DMD: variants seen among roughly 807,000 people sequenced by gnomAD.
DMD encodes mutant dystrophin.
A neutral mutation model predicts 330.1 loss-of-function variants in DMD; 63 were observed. That is an observed-to-expected ratio of 0.19 (90% confidence interval 0.16 to 0.24). The LOEUF (loss-of-function observed/expected upper bound fraction) is 0.24, where lower values mean the gene tolerates loss of function less well. Among genes scored for constraint, DMD ranks in the 10% least tolerant of loss-of-function variants. The pLI, the probability that DMD is intolerant of heterozygous loss-of-function variation, is 1.00. For missense variants in DMD, 3,344 were observed against 2,684.1 expected (o/e 1.25, Z -5.43); for synonymous variants, 1,223 against 959.8 (o/e 1.27, Z -5.07).
chrX:31,789,215 G>A (rs924087993), intron 50 of DMD, among the ~76,000 whole-genome samples: 4 of 111,004 alleles, frequency 3.6e-5, no homozygotes, highest in African/African-American at 1.3e-4. Context: ...AGTATACTTT[G>A]ATTCCTTACT....
chrX:31,243,130 A>G (rs991482538), intron 63 of DMD, among the ~76,000 whole-genome samples: 3 of 111,949 alleles, frequency 2.7e-5, no homozygotes, highest in African/African-American at 9.7e-5. Flanking sequence ...AAAAAAATCA[A>G]TGCCTCACAG....
chrX:31,976,432 T>G (rs1234748175), intron 44 of DMD, among the ~76,000 whole-genome samples: 1 of 111,161 alleles, frequency 9.0e-6, no homozygotes, highest in Non-Finnish European at 1.9e-5. Context: ...CTGGGCAAAC[T>G]CAAAGCTAGC....
rs752609761 is a variant in DMD at position 31,477,197 on chromosome X, C to G, written c.8937+909G>C. Among the ~76,000 whole-genome samples the G allele has an allele frequency of 8.1e-5, 9 of 111,238 alleles. No individual in the cohort carries two copies. The South Asian group carries it at 3.5e-3, about 43-fold the overall frequency. ...CCATCTCAAACAGGGAGGGTTTAAACAATCAAAAGAGAATTAGGCTAAGGT... is the reference window on the plus strand; with the variant it reads ...CCATCTCAAACAGGGAGGGTTTAAAGAATCAAAAGAGAATTAGGCTAAGGT... On this transcript the variant is annotated intron_variant, in intron 59 of 78. Coordinates refer to ENST00000357033, the MANE Select transcript of DMD (RefSeq NM_004006.3).
At chrX:31,488,806 A>G (rs1208774331) in intron 57 of DMD, among the ~76,000 whole-genome samples, 1 of 111,893 alleles carries the variant, frequency 8.9e-6, no homozygotes, top group African/African-American at 3.2e-5. Flanking sequence ...CCATAGCAGC[A>G]AGAGTCAACT....
intron 62 of DMD, among the ~76,000 whole-genome samples, chrX:31,291,789 C>T (rs907894682): frequency 1.8e-5 from 2 of 110,802 alleles, no homozygotes; most frequent in Non-Finnish European, 3.8e-5. Context: ...CATACCAAAC[C>T]TTGACAAGAA....
intron 2 of DMD, among the ~76,000 whole-genome samples, chrX:32,857,304 CTT>C (rs2081657162): frequency 8.9e-6 from 1 of 111,973 alleles, no homozygotes; most frequent in Non-Finnish European, 1.9e-5. Flanking sequence ...TTTAATGAAA[CTT>C]TAAGGAAAGC....
chrX:32,013,093 C>CTATTTTTTTTTTTTTTTT (rs1557064304), intron 44 of DMD, among the ~76,000 whole-genome samples: 7 of 61,158 alleles, frequency 1.1e-4, no homozygotes, highest in African/African-American at 3.2e-4. Context: ...CTTTTCTTTC[C>CTATTTTTTTTTTTTTTTT]TTTTTTTTTT....
At chrX:32,656,913 T>C (rs1049994927) in intron 9 of DMD, among the ~76,000 whole-genome samples, 21 of 111,635 alleles carry the variant, frequency 1.9e-4, no homozygotes, top group Non-Finnish European at 3.6e-4. Context: ...AAAATATTCA[T>C]AGTTTCAAAT....
At chrX:32,290,847 A>T (rs1397279868) in intron 42 of DMD, among the ~76,000 whole-genome samples, 1 of 112,316 alleles carries the variant, frequency 8.9e-6, no homozygotes, top group Non-Finnish European at 1.9e-5. Flanking sequence ...CCTTAGCTGG[A>T]TGAGAAGAAG....
intron 44 of DMD, among the ~76,000 whole-genome samples, chrX:32,095,782 G>A (rs1031102629): frequency 3.6e-5 from 4 of 111,854 alleles, no homozygotes; most frequent in Non-Finnish European, 7.5e-5. Context: ...AGCATTCTGT[G>A]CAGTTGGAAG....
chrX:31,289,283 T>G (rs1426553259), intron 62 of DMD, among the ~76,000 whole-genome samples: 1 of 64,099 alleles, frequency 1.6e-5, no homozygotes, highest in African/African-American at 8.9e-5. Flanking sequence ...TAAAATAAAA[T>G]CCATCTCAAA....
chrX:31,932,992 G>A (rs2094878025), intron 45 of DMD, among the ~76,000 whole-genome samples: 1 of 111,051 alleles, frequency 9.0e-6, no homozygotes. Flanking sequence ...CCCCTGAGCT[G>A]TGACAACCAA....
chrX:32,655,578 A>G (rs183990805), intron 9 of DMD, among the ~76,000 whole-genome samples: 28 of 111,825 alleles, frequency 2.5e-4, no homozygotes, highest in African/African-American at 8.8e-4. Context: ...CAATTTTGGA[A>G]TAAGTGTGAT....
intron 42 of DMD, 39 bp downstream of exon 42, chrX:32,310,043 T>C (rs957207156): frequency 8.8e-7 from 1 of 1,136,924 alleles, no homozygotes; most frequent in Non-Finnish European, 1.2e-6. Flanking sequence ...ATCAGTATGA[T>C]CACCTTGTAA....
At chrX:32,742,228 A>G (rs2069375563) in intron 7 of DMD, among the ~76,000 whole-genome samples, 1 of 112,031 alleles carries the variant, frequency 8.9e-6, no homozygotes, top group Non-Finnish European at 1.9e-5. Context: ...TAATGACACA[A>G]TCCAACTAAT....
chrX:31,622,343 G>A (rs757139100), intron 55 of DMD, among the ~76,000 whole-genome samples: 16 of 108,120 alleles, frequency 1.5e-4, no homozygotes, highest in East Asian at 8.8e-4. Context: ...ACAAACCACC[G>A]AACCAAAGTT....
intron 2 of DMD, among the ~76,000 whole-genome samples, chrX:32,946,282 A>G (rs1403792082): frequency 9.0e-6 from 1 of 111,115 alleles, no homozygotes; most frequent in Non-Finnish European, 1.9e-5. Context: ...CTTATTCATT[A>G]ATTTTTAAAT....
At chrX:31,570,619 T>G (rs1387453537) in intron 55 of DMD, among the ~76,000 whole-genome samples, 1 of 112,009 alleles carries the variant, frequency 8.9e-6, no homozygotes, top group Non-Finnish European at 1.9e-5. Context: ...CTCATTTACC[T>G]TCTTTTGTCA....
chrX:31,183,565 T>C (rs1367443330), intron 67 of DMD, among the ~76,000 whole-genome samples: 1 of 111,843 alleles, frequency 8.9e-6, no homozygotes, highest in Non-Finnish European at 1.9e-5. Context: ...AGAAATACAA[T>C]TCATCCCAGA....
Sources: gnomAD v4.1 joint callset for allele counts (sites outside exome capture counted in the v4.1 genomes callset) on GRCh38, gnomAD v4.1.1 for gene constraint, MANE v1.5 for transcripts, NCBI Gene and HGNC (gene_info 2026-07-23, HGNC 2026-07-21) for gene names.